Variants in CDH13 observed in about 807,000 individuals in gnomAD.
CDH13 encodes the protein cadherin 13.
CDH13 carries 24 observed loss-of-function variants against 63.8 expected under a neutral mutation model. The observed-to-expected ratio is 0.38, with a 90% CI of 0.27 to 0.53. CDH13 has a LOEUF of 0.53. CDH13 is among the 20% of genes least tolerant of loss of function. The pLI is 0.85. For synonymous variants in CDH13, 503 were observed against 355.3 expected (o/e 1.42, Z -4.67); for missense variants, 1,049 against 903.1 (o/e 1.16, Z -2.07).
At chr16:83,018,554 C>G (rs1448047934) in intron 2 of CDH13, among the ~76,000 whole-genome samples, 1 of 152,154 alleles carries the variant, frequency 6.6e-6, no homozygotes, top group Non-Finnish European at 1.5e-5. Context: ...TTATTTCACC[C>G]AGAAGGAACT....
rs190943349 is a variant in CDH13, at chr16:83,226,772, C to A, written c.636+9275C>A. Among the ~76,000 whole-genome samples, 17 of 152,270 alleles carry A rather than the reference C, an allele frequency of 1.1e-4. 1 individual carries two copies. Among genetic ancestry groups the A allele is most frequent in the Non-Finnish European group, 1.0e-4 (7 of 68,016 alleles). On this transcript the variant is annotated intron_variant, in intron 5 of 13. Transcript: ENST00000567109. ...AAATAACGGGGCAACTGCTCAGACT[C>A]CCAGGACTTGAGATTCCCTGGCTAT...
chr16:83,325,955 C>T (rs897243746), intron 5 of CDH13, among the ~76,000 whole-genome samples: 11 of 152,030 alleles, frequency 7.2e-5, no homozygotes, highest in African/African-American at 2.2e-4. Context: ...GTGATATGCT[C>T]AGTAAATGCT....
intron 1 of CDH13, among the ~76,000 whole-genome samples, chr16:82,754,147 T>A (rs1426443395): frequency 3.9e-5 from 6 of 152,148 alleles, no homozygotes; most frequent in African/African-American, 1.4e-4. Flanking sequence ...CTCCTTAATA[T>A]TAAACTTAGT....
intron 10 of CDH13, among the ~76,000 whole-genome samples, chr16:83,713,462 A>G (rs1184562366): frequency 6.6e-6 from 1 of 152,004 alleles, no homozygotes; most frequent in African/African-American, 2.4e-5. Flanking sequence ...GGGGGAAAAC[A>G]CGAACCAAGT....
At chr16:82,979,642 A>C (rs1909996254) in intron 2 of CDH13, among the ~76,000 whole-genome samples, 1 of 152,168 alleles carries the variant, frequency 6.6e-6, no homozygotes, top group Non-Finnish European at 1.5e-5. Context: ...GAGGCTTCCC[A>C]AGCCGTGCAG....
intron 6 of CDH13, among the ~76,000 whole-genome samples, chr16:83,450,299 G>T (rs572455258): frequency 1.3e-5 from 2 of 152,338 alleles, no homozygotes; most frequent in Admixed American, 6.5e-5. Flanking sequence ...TGAGTGTGGA[G>T]TGCAGCTTGT....
At chr16:83,407,833 GTAATTGACTTACAAA>G (rs2092069915) in intron 6 of CDH13, among the ~76,000 whole-genome samples, 1 of 151,506 alleles carries the variant, frequency 6.6e-6, no homozygotes, top group South Asian at 2.1e-4. Context: ...TTTTCTTTTT[GTAATTGACTTACAAA>G]TGCGTAATCG....
chr16:83,066,837 C>T (rs1483850216), intron 3 of CDH13, among the ~76,000 whole-genome samples: 1 of 152,186 alleles, frequency 6.6e-6, no homozygotes, highest in Non-Finnish European at 1.5e-5. Flanking sequence ...AAGACCAATT[C>T]ATAATCAGAA....
intron 2 of CDH13, among the ~76,000 whole-genome samples, chr16:82,998,586 C>G (rs1182617394): frequency 1.3e-5 from 2 of 152,094 alleles, no homozygotes; most frequent in African/African-American, 4.8e-5. Context: ...TTGTTTCATC[C>G]AATACCTCAT....
chr16:82,690,599 C>T (rs1915549792), intron 1 of CDH13, among the ~76,000 whole-genome samples: 1 of 152,088 alleles, frequency 6.6e-6, no homozygotes, highest in South Asian at 2.1e-4. Flanking sequence ...AGCAAAGAGA[C>T]ACTTAAGAAA....
chr16:83,483,466 C>CTTTTTTTTTTTTTTTTTT (rs11327354), intron 6 of CDH13, among the ~76,000 whole-genome samples: 1 of 147,044 alleles, frequency 6.8e-6, no homozygotes, highest in African/African-American at 2.5e-5. Flanking sequence ...CCTGAAAGGT[C>CTTTTTTTTTTTTTTTTTT]TTTTTTTTTT....
intron 10 of CDH13, among the ~76,000 whole-genome samples, chr16:83,700,912 T>C (rs1444305499): frequency 6.6e-6 from 1 of 152,188 alleles, no homozygotes. Context: ...GAGCTACTAA[T>C]TTTTGATTAA....
chr16:83,728,253 G>C (rs3826120), intron 10 of CDH13, among the ~76,000 whole-genome samples: 31,885 of 151,936 alleles, frequency 0.21, 4,012 homozygotes, highest in Middle Eastern at 0.31. Flanking sequence ...CTGTTCTCAC[G>C]GGCTGACCCC....
intron 1 of CDH13, among the ~76,000 whole-genome samples, chr16:82,842,106 A>ATATG (rs2039038688): frequency 7.7e-5 from 3 of 38,746 alleles, no homozygotes; most frequent in Admixed American, 2.8e-4. Context: ...ATATATATAT[A>ATATG]TATATGTATA....
intron 8 of CDH13, among the ~76,000 whole-genome samples, chr16:83,665,027 A>G (rs1913806729): frequency 1.3e-5 from 2 of 152,178 alleles, no homozygotes; most frequent in South Asian, 2.1e-4. Context: ...CATGAGATAA[A>G]TCCTAATCAT....
chr16:82,842,406 C>G (rs1012943188), intron 1 of CDH13, among the ~76,000 whole-genome samples: 4 of 151,638 alleles, frequency 2.6e-5, no homozygotes, highest in African/African-American at 9.7e-5. Flanking sequence ...AAGGCCTATC[C>G]TCATTTGTAG....
At chr16:82,791,216 G>A (rs546200534) in intron 1 of CDH13, among the ~76,000 whole-genome samples, 3 of 139,232 alleles carry the variant, frequency 2.2e-5, no homozygotes, top group Non-Finnish European at 4.6e-5. Context: ...CAGCCTGGGC[G>A]ACAAAGCGAG....
intron 1 of CDH13, among the ~76,000 whole-genome samples, chr16:82,757,347 A>C: frequency 6.6e-6 from 1 of 152,204 alleles, no homozygotes; most frequent in South Asian, 2.1e-4. Flanking sequence ...TTCTTACCCA[A>C]ACCCCCAAGT....
chr16:83,404,957 C>G (rs942279585), intron 6 of CDH13, among the ~76,000 whole-genome samples: 1 of 152,054 alleles, frequency 6.6e-6, no homozygotes, highest in African/African-American at 2.4e-5. Context: ...ATAGAAATGT[C>G]TAAAGCAGTG....
Sources: allele counts gnomAD v4.1 joint callset (sites outside exome capture counted in the v4.1 genomes callset), GRCh38; gene constraint gnomAD v4.1.1; transcripts MANE v1.5; gene names NCBI Gene and HGNC (gene_info 2026-07-23, HGNC 2026-07-21).